ARHGAP32: variants seen among roughly 807,000 people sequenced by gnomAD.
ARHGAP32 encodes the protein Rho GTPase activating protein 32, also known as rho GTPase-activating protein 32.
A neutral mutation model predicts 186.5 loss-of-function variants in ARHGAP32; 51 were observed. The ratio of observed to expected loss-of-function variants is 0.27; its 90% CI spans 0.22 to 0.35. ARHGAP32 has a LOEUF of 0.35. ARHGAP32 is among the 10% of genes least tolerant of loss of function. The pLI is 1.00. For synonymous variants in ARHGAP32, 950 were observed against 964.3 expected, an observed-to-expected ratio of 0.99 and a Z score of 0.27; for missense variants, 2,186 against 2,623.5, an observed-to-expected ratio of 0.83 and a Z score of 3.64.
At chr11:129,193,695 A>ATT (rs1491497448), upstream of ARHGAP32, among the ~76,000 whole-genome samples, 1 of 30,194 alleles carries the variant, frequency 3.3e-5, no homozygotes, top group Non-Finnish European at 6.1e-5. Context: ...TATATTATAT[A>ATT]ATATATAATA....
chr11:129,195,513 C>T (rs917180250), upstream of ARHGAP32, among the ~76,000 whole-genome samples: 30 of 152,118 alleles, frequency 2.0e-4, 1 homozygote, highest in Non-Finnish European at 4.3e-4. Flanking sequence ...GCCTCAGCTT[C>T]CCGAGTAGCT....
intron 1 of ARHGAP32, among the ~76,000 whole-genome samples, chr11:129,168,591 C>T (rs1943686338): frequency 6.6e-6 from 1 of 152,134 alleles, no homozygotes; most frequent in African/African-American, 2.4e-5. Flanking sequence ...TAGCAAATCC[C>T]TCTCAATGGC....
At chr11:129,000,889 C>G (rs981258827) in intron 11 of ARHGAP32, among the ~76,000 whole-genome samples, 1 of 152,126 alleles carries the variant, frequency 6.6e-6, no homozygotes, top group Non-Finnish European at 1.5e-5. Flanking sequence ...GTTTATCTTT[C>G]TGTGCTTGGC....
In ARHGAP32 at chr11:128,966,668, GACA is replaced by G. The variant is rs1272393238; in HGVS notation, c.*2236_*2238del. The stretch of plus-strand genomic sequence containing the variant: ...AGTTTCAGGACTAAACAATGTGTGT[GACA>G]ACAAATCCACAAATATTAAAACTGG... On this transcript the variant is annotated 3_prime_UTR_variant, in exon 23 of 23. Transcript: ENST00000682385. 1 of 152,156 alleles carries G rather than the reference GACA, an allele frequency of 6.6e-6. No homozygotes were observed. Among genetic ancestry groups the G allele is most frequent in the East Asian group, 1.9e-4 (1 of 5,204 alleles). 9.4% of individuals were successfully genotyped at this position (152,156 alleles called of 1,614,324 possible). A position where few individuals can be genotyped will look rare whatever the true frequency, so the allele number is the denominator to read the frequency against.
chr11:129,036,025 T>C (rs1036678237), intron 11 of ARHGAP32, among the ~76,000 whole-genome samples: 1 of 152,086 alleles, frequency 6.6e-6, no homozygotes, highest in Non-Finnish European at 1.5e-5. Flanking sequence ...CTGATTAACT[T>C]TCCCAATGCT....
intron 1 of ARHGAP32, among the ~76,000 whole-genome samples, chr11:129,210,228 T>C (rs1239727501): frequency 6.6e-6 from 1 of 152,232 alleles, no homozygotes; most frequent in Non-Finnish European, 1.5e-5. Flanking sequence ...CGGGATTTCA[T>C]ACATTTGACT....
chr11:129,215,512 G>T (rs911786737), intron 1 of ARHGAP32, among the ~76,000 whole-genome samples: 1 of 152,128 alleles, frequency 6.6e-6, no homozygotes, highest in Non-Finnish European at 1.5e-5. Flanking sequence ...TAACATCAAG[G>T]TTTCAGCAGG....
chr11:129,040,747 A>G (rs887676827), intron 11 of ARHGAP32, among the ~76,000 whole-genome samples, 181 bp downstream of exon 11: 5 of 152,248 alleles, frequency 3.3e-5, no homozygotes, highest in African/African-American at 1.2e-4. Flanking sequence ...AAACCTTTTC[A>G]AAATGATCAA....
At chr11:129,001,747 TAG>T (rs1047174108) in intron 11 of ARHGAP32, among the ~76,000 whole-genome samples, 1 of 152,216 alleles carries the variant, frequency 6.6e-6, no homozygotes, top group African/African-American at 2.4e-5. Context: ...TTTGAGGTCT[TAG>T]ATTTAAGTCT....
intron 1 of ARHGAP32, among the ~76,000 whole-genome samples, chr11:129,208,354 A>T (rs1232561887): frequency 6.6e-6 from 1 of 152,208 alleles, no homozygotes; most frequent in African/African-American, 2.4e-5. Flanking sequence ...GCAGAGAAAC[A>T]GACATTAATA....
chr11:129,027,069 A>C (rs1218535676), intron 11 of ARHGAP32, among the ~76,000 whole-genome samples: 1 of 150,512 alleles, frequency 6.6e-6, no homozygotes. Context: ...ACTGCACTCC[A>C]GCCTGGGCAA....
Position 129,108,359 on chromosome 11 carries a change from T to G in ARHGAP32, c.445-14652A>C, listed in dbSNP as rs549634517. Among the ~76,000 whole-genome samples, 495 of 152,210 alleles carry G rather than the reference T, an allele frequency of 3.3e-3. 1 individual carries two copies. Among genetic ancestry groups the G allele is most frequent in the African/African-American group, 0.011 (477 of 41,540 alleles). ...AAAGACCTGGGTAGCTATACTAGTA[T>G]CAGACAAAATAGACATTAGGACAAA... is the stretch of plus-strand genomic sequence containing the variant. On this transcript the variant is annotated intron_variant, in intron 5 of 22. Coordinates refer to ENST00000682385, the MANE Select transcript of ARHGAP32 (RefSeq NM_001378024.1).
chr11:129,221,670 T>C (rs1207406745), intron 1 of ARHGAP32, among the ~76,000 whole-genome samples: 2 of 151,550 alleles, frequency 1.3e-5, no homozygotes, highest in Admixed American at 6.6e-5. Flanking sequence ...GTACAAGCAG[T>C]AGAGGACAAA....
At chr11:129,077,526 TTTCCCCAAC>T (rs932793845) in intron 6 of ARHGAP32, among the ~76,000 whole-genome samples, 1 of 152,032 alleles carries the variant, frequency 6.6e-6, no homozygotes, top group African/African-American at 2.4e-5. Context: ...CACTGCCAAC[TTTCCCCAAC>T]TTCCCTAGCG....
At chr11:129,114,559 G>A (rs1039430669) in intron 5 of ARHGAP32, among the ~76,000 whole-genome samples, 6 of 152,024 alleles carry the variant, frequency 3.9e-5, no homozygotes, top group Non-Finnish European at 8.8e-5. Context: ...CCCTATACAT[G>A]TCTGAATATT....
chr11:129,170,495 G>A (rs1463141908), intron 1 of ARHGAP32, among the ~76,000 whole-genome samples: 1 of 152,096 alleles, frequency 6.6e-6, no homozygotes, highest in Non-Finnish European at 1.5e-5. Context: ...CCATGTCCCT[G>A]AAAAGGACAT....
At position 128,969,208 on chromosome 11, in the gene ARHGAP32, C is replaced by CTA; in HGVS notation, c.6003_6004dup (p.Ser2002IlefsTer31). The CTA allele has an allele frequency of 6.2e-7, 1 of 1,613,966 alleles. No homozygotes were observed. The highest frequency in any genetic ancestry group is 8.5e-7 in the Non-Finnish European group (1 of 1,179,928). On this transcript the variant is annotated frameshift_variant, in exon 23 of 23. Transcript: ENST00000682385. LOFTEE classifies it high-confidence loss of function. The surrounding 1 kb of genome is among the most constrained non-coding windows in gnomAD (Gnocchi z 4.8). ...GTTCTGGGTATGATGGAGTTTGAGG[C>CTA]TATGACTCCTCTCTGGTTTAGGGGG...
intron 1 of ARHGAP32, among the ~76,000 whole-genome samples, chr11:129,177,210 A>G (rs1204913968): frequency 6.6e-6 from 1 of 152,202 alleles, no homozygotes; most frequent in Non-Finnish European, 1.5e-5. Context: ...ATTCCTTGAC[A>G]CATACACTCT....
At chr11:129,110,217 T>C (rs78115843) in intron 5 of ARHGAP32, among the ~76,000 whole-genome samples, 83 of 152,212 alleles carry the variant, frequency 5.5e-4, no homozygotes, top group African/African-American at 1.9e-3. Context: ...TATCAATGTA[T>C]ATTTTTGGCA....
Sources: gnomAD v4.1 joint callset for allele counts (sites outside exome capture counted in the v4.1 genomes callset) on GRCh38, gnomAD v4.1.1 for gene constraint, Gnocchi (gnomAD v3.1) non-coding constraint, MANE v1.5 for transcripts, NCBI Gene and HGNC (gene_info 2026-07-23, HGNC 2026-07-21) for gene names.